The following SPAG16 variants were observed in gnomAD, a reference collection of about 807,000 sequenced individuals.
SPAG16 encodes the protein sperm-associated antigen 16 protein.
A neutral mutation model predicts 80.4 loss-of-function variants in SPAG16; 86 were observed. The ratio of observed to expected loss-of-function variants is 1.07; its 90% CI spans 0.90 to 1.28. SPAG16 has a LOEUF of 1.28. Among genes scored for constraint, SPAG16 ranks in the 50% most tolerant of loss-of-function variants. SPAG16 has a pLI of 0.00. For missense variants in SPAG16, 870 were observed against 765.3 expected, an observed-to-expected ratio of 1.14 and a Z score of -1.61; for synonymous variants, 294 against 265.9, an observed-to-expected ratio of 1.11 and a Z score of -1.03.
At chr2:213,411,405 A>G (rs950287859) in intron 9 of SPAG16, among the ~76,000 whole-genome samples, 2 of 152,236 alleles carry the variant, frequency 1.3e-5, no homozygotes, top group Non-Finnish European at 2.9e-5. Context: ...ACAGCGATTT[A>G]TTAACTACAC....
intron 15 of SPAG16, among the ~76,000 whole-genome samples, chr2:214,316,857 T>A (rs1695733116): frequency 6.6e-6 from 1 of 152,182 alleles, no homozygotes; most frequent in South Asian, 2.1e-4. Context: ...TCTATAATAC[T>A]TCTACAGCCA....
At chr2:213,917,408 A>G (rs2078020607) in intron 11 of SPAG16, among the ~76,000 whole-genome samples, 1 of 152,202 alleles carries the variant, frequency 6.6e-6, no homozygotes, top group African/African-American at 2.4e-5. Context: ...ATCCATGAGC[A>G]TGGAAGATTT....
intron 10 of SPAG16, among the ~76,000 whole-genome samples, chr2:213,829,744 C>G (rs1251637674): frequency 6.6e-6 from 1 of 152,138 alleles, no homozygotes; most frequent in Non-Finnish European, 1.5e-5. Flanking sequence ...CCGGGTCCTT[C>G]CCTTCAAGGC....
intron 10 of SPAG16, among the ~76,000 whole-genome samples, chr2:213,833,456 ATATATATAT>A (rs71063788): frequency 1.5e-4 from 1 of 6,820 alleles, no homozygotes; most frequent in African/African-American, 4.3e-4. Flanking sequence ...TATATATATT[ATATATATAT>A]TATATATAAT....
At chr2:213,731,279 C>T (rs2067027157) in intron 10 of SPAG16, among the ~76,000 whole-genome samples, 1 of 150,432 alleles carries the variant, frequency 6.6e-6, no homozygotes, top group African/African-American at 2.4e-5. Flanking sequence ...GCCTCAGCCT[C>T]CTGAGTAGCT....
At chr2:213,926,352 AC>A (rs2078478367) in intron 11 of SPAG16, among the ~76,000 whole-genome samples, 1 of 152,068 alleles carries the variant, frequency 6.6e-6, no homozygotes, top group Non-Finnish European at 1.5e-5. Flanking sequence ...AGCAGTATGC[AC>A]TTTACCCAAT....
intron 9 of SPAG16, among the ~76,000 whole-genome samples, chr2:213,384,677 G>A (rs978059441): frequency 2.6e-5 from 4 of 152,232 alleles, no homozygotes; most frequent in East Asian, 1.9e-4. Flanking sequence ...AACTTCTTTC[G>A]TCAGGAAGTT....
intron 9 of SPAG16, among the ~76,000 whole-genome samples, chr2:213,457,533 T>C (rs540893223): frequency 6.6e-6 from 1 of 152,356 alleles, no homozygotes; most frequent in Admixed American, 6.5e-5. Context: ...GCAAAAACTT[T>C]TGAATTGTTA....
rs567180408 is a variant in SPAG16 at position 213,636,669 on chromosome 2, C to T, written c.1070+146579C>T. ...TAGTTCTCCTTGTACAGATCTTTCA[C>T]CTCCTTGGTTAGGTGGATTCCTAAG... is the stretch of plus-strand genomic sequence containing the variant. On this transcript the variant is annotated intron_variant, in intron 10 of 15. Coordinates refer to ENST00000331683, the MANE Select transcript of SPAG16 (RefSeq NM_024532.5). 2.6e-5 allele frequency among the ~76,000 whole-genome samples: 4 copies of T among 152,288 alleles called. No homozygotes were observed. The South Asian group carries it at 6.2e-4, about 24-fold the overall frequency.
chr2:213,930,281 A>G, intron 12 of SPAG16, 136 bp downstream of exon 12: 1 of 539,836 alleles, frequency 1.9e-6, no homozygotes, highest in Non-Finnish European at 3.1e-6. Context: ...ATAAGATTAT[A>G]GAGAGCTACT....
chr2:213,425,103 C>G (rs2069829332), intron 9 of SPAG16, among the ~76,000 whole-genome samples: 1 of 142,204 alleles, frequency 7.0e-6, no homozygotes, highest in Non-Finnish European at 1.5e-5. Flanking sequence ...GTGGGCGGAT[C>G]ACGAGGTCAG....
chr2:213,491,535 C>G lies in SPAG16; in HGVS notation c.1070+1445C>G, dbSNP rs147950800. Among the ~76,000 whole-genome samples, 31 of 152,306 alleles carry G rather than the reference C, an allele frequency of 2.0e-4. No homozygotes were observed. The East Asian group carries it at 5.8e-3, about 28-fold the overall frequency. On this transcript the variant is annotated intron_variant, in intron 10 of 15. Transcript: ENST00000331683. ...GGTTTAGGACCAAACTCTTGGGACT[C>G]TTTACAATCATGAACCTTGGCTGAT...
intron 15 of SPAG16, among the ~76,000 whole-genome samples, chr2:214,284,370 T>C (rs1364290520): frequency 1.3e-5 from 2 of 152,218 alleles, no homozygotes; most frequent in African/African-American, 4.8e-5. Flanking sequence ...TTCCAGAACA[T>C]TGAGGTCTAT....
chr2:213,571,984 C>T (rs1187524711), intron 10 of SPAG16, among the ~76,000 whole-genome samples: 18 of 128,104 alleles, frequency 1.4e-4, no homozygotes. Flanking sequence ...TCATTTCATT[C>T]ATTTCATCTT....
At chr2:213,548,050 A>G (rs187662814) in intron 10 of SPAG16, among the ~76,000 whole-genome samples, 1 of 152,338 alleles carries the variant, frequency 6.6e-6, no homozygotes, top group East Asian at 1.9e-4. Context: ...TTTTGGACAT[A>G]AAACTTTACA....
At chr2:213,849,712 A>G (rs2074809617) in intron 10 of SPAG16, among the ~76,000 whole-genome samples, 2 of 152,150 alleles carry the variant, frequency 1.3e-5, no homozygotes, top group African/African-American at 4.8e-5. Flanking sequence ...ATTCTCCTAG[A>G]AAAGAGATTT....
At chr2:214,177,951 TCTA>T (rs1302451118) in intron 15 of SPAG16, among the ~76,000 whole-genome samples, 3 of 115,442 alleles carry the variant, frequency 2.6e-5, no homozygotes, top group African/African-American at 1.0e-4. Flanking sequence ...AATTGTTATA[TCTA>T]ACTTCACAAA....
chr2:213,522,564 T>G (rs532217155), intron 10 of SPAG16, among the ~76,000 whole-genome samples: 2 of 152,282 alleles, frequency 1.3e-5, no homozygotes, highest in African/African-American at 4.8e-5. Context: ...TGGAGGAATA[T>G]GACCTTATAC....
intron 10 of SPAG16, among the ~76,000 whole-genome samples, chr2:213,631,193 AC>A (rs1002752097): frequency 6.6e-6 from 1 of 151,534 alleles, no homozygotes; most frequent in African/African-American, 2.4e-5. Flanking sequence ...AAAGAGAAGT[AC>A]CCCCCCAAAA....
Sources: gnomAD v4.1 joint callset for allele counts (sites outside exome capture counted in the v4.1 genomes callset) on GRCh38, gnomAD v4.1.1 for gene constraint, MANE v1.5 for transcripts, NCBI Gene and HGNC (gene_info 2026-07-23, HGNC 2026-07-21) for gene names.